Variants in ROBO2 observed in about 807,000 individuals in gnomAD.
The protein encoded by ROBO2 is roundabout guidance receptor 2, also known as roundabout homolog 2.
In ROBO2, 53 loss-of-function variants were observed where a neutral mutation model predicts 160.8. The observed-to-expected ratio is 0.33, with a 90% confidence interval of 0.26 to 0.41. ROBO2 has a LOEUF of 0.41. Ranked by LOEUF, ROBO2 falls within the 10% of genes least tolerant of loss-of-function variation. The probability of loss-of-function intolerance (pLI) is 1.00; values close to 1 mark genes in which losing one functional copy is unlikely to be tolerated. For synonymous variants in ROBO2, 664 were observed against 611.7 expected (o/e 1.09, Z -1.26); for missense variants, 1,577 against 1,722.4 (o/e 0.92, Z 1.49).
At chr3:77,086,178 AG>A (rs34997964) in intron 1 of ROBO2, among the ~76,000 whole-genome samples, 3 of 152,172 alleles carry the variant, frequency 2.0e-5, no homozygotes, top group Non-Finnish European at 4.4e-5. Flanking sequence ...CATTGTTTTT[AG>A]GGGGGTTACA....
chr3:76,928,377 T>C (rs1425947201), intron 2 of ROBO2, among the ~76,000 whole-genome samples: 1 of 152,136 alleles, frequency 6.6e-6, no homozygotes, highest in African/African-American at 2.4e-5. Flanking sequence ...AGCTAGAAGA[T>C]AATGCATATG....
chr3:76,834,467 G>A (rs2067489090), intron 2 of ROBO2, among the ~76,000 whole-genome samples: 1 of 151,884 alleles, frequency 6.6e-6, no homozygotes, highest in African/African-American at 2.4e-5. Context: ...CCTCCTCCTA[G>A]GTTTAAGTAA....
rs2083580858 is a variant in ROBO2 at position 77,207,453 on chromosome 3, G to A, written c.388+109113G>A. ...GAATTATGTATTTAGATGCTTAAATGCCTCTCATTAACTTAAGGTTTTTGC... is the reference window on the plus strand; with the variant it reads ...GAATTATGTATTTAGATGCTTAAATACCTCTCATTAACTTAAGGTTTTTGC... On this transcript the variant is annotated intron_variant, in intron 2 of 25. Transcript: ENST00000461745. 3.9e-5 allele frequency among the ~76,000 whole-genome samples: 6 copies of A among 152,124 alleles called. No individual in the cohort carries two copies. The South Asian group carries it at 1.2e-3, about 32-fold the overall frequency.
intron 2 of ROBO2, among the ~76,000 whole-genome samples, chr3:77,102,720 TG>T (rs2150112258): frequency 6.6e-6 from 1 of 152,256 alleles, no homozygotes; most frequent in South Asian, 2.1e-4. Context: ...GCATTCATTT[TG>T]GTGTTTGTTT....
At chr3:76,628,256 CT>C (rs998508821) in intron 2 of ROBO2, among the ~76,000 whole-genome samples, 6 of 151,290 alleles carry the variant, frequency 4.0e-5, no homozygotes, top group Non-Finnish European at 7.4e-5. Flanking sequence ...TTTTTTCTTT[CT>C]TTTTTTTATT....
intron 2 of ROBO2, among the ~76,000 whole-genome samples, chr3:76,932,443 T>C (rs201879806): frequency 6.3e-4 from 80 of 127,330 alleles, no homozygotes; most frequent in African/African-American, 1.9e-3. Context: ...CACACACACA[T>C]ACACGTGTCA....
rs147472844 is a variant in ROBO2 at position 76,102,209 on chromosome 3, A to T, written c.109+164607A>T. Among the ~76,000 whole-genome samples the T allele has an allele frequency of 5.4e-3, 821 of 152,352 alleles. 11 individuals are homozygous for T. Among genetic ancestry groups the T allele is most frequent in the African/African-American group, 0.019 (794 of 41,588 alleles). On this transcript the variant is annotated intron_variant, in intron 2 of 26. Coordinates refer to the ROBO2 transcript ENST00000487694. Reference sequence around the variant, plus strand: ...GTGGCTAGTTTGAATCTGAAATCACATCAGATTTTGAAGACTTGCGTGGAA... The same window carrying T: ...GTGGCTAGTTTGAATCTGAAATCACTTCAGATTTTGAAGACTTGCGTGGAA...
At chr3:76,729,225 G>A (rs113809139) in intron 2 of ROBO2, among the ~76,000 whole-genome samples, 173 of 104,032 alleles carry the variant, frequency 1.7e-3, no homozygotes, top group African/African-American at 6.2e-3. Context: ...TGTACTACCA[G>A]AGTAACTGTC....
chr3:77,054,968 A>G (rs905781537), intron 1 of ROBO2, among the ~76,000 whole-genome samples: 9 of 148,556 alleles, frequency 6.1e-5, no homozygotes, highest in Non-Finnish European at 1.3e-4. Context: ...AACTTGGTTA[A>G]TGTGTCATTC....
At chr3:76,517,167 G>A (rs1419968774) in intron 2 of ROBO2, among the ~76,000 whole-genome samples, 1 of 152,160 alleles carries the variant, frequency 6.6e-6, no homozygotes, top group Non-Finnish European at 1.5e-5. Context: ...GGGGACATGC[G>A]TGCATGTGAA....
intron 2 of ROBO2, among the ~76,000 whole-genome samples, chr3:76,566,913 A>G (rs923657034): frequency 3.9e-5 from 6 of 152,218 alleles, no homozygotes; most frequent in African/African-American, 1.4e-4. Context: ...GCACACAGAG[A>G]TTCCTCCATG....
At chr3:76,108,299 G>A (rs547328758) in intron 2 of ROBO2, among the ~76,000 whole-genome samples, 3 of 152,062 alleles carry the variant, frequency 2.0e-5, no homozygotes, top group African/African-American at 7.2e-5. Context: ...GATTGGTTTA[G>A]TTGTTATTAT....
intron 2 of ROBO2, among the ~76,000 whole-genome samples, chr3:77,351,513 A>T (rs1275843880): frequency 6.6e-6 from 1 of 152,138 alleles, no homozygotes; most frequent in African/African-American, 2.4e-5. Context: ...ATCGGCAAAA[A>T]TGAAGGAAAA....
At chr3:76,757,916 A>G (rs947087809) in intron 2 of ROBO2, among the ~76,000 whole-genome samples, 1 of 151,740 alleles carries the variant, frequency 6.6e-6, no homozygotes, top group African/African-American at 2.4e-5. Context: ...AAAAGGCACG[A>G]TTTGTGAAAG....
chr3:77,216,009 T>A (rs920896050), intron 2 of ROBO2, among the ~76,000 whole-genome samples: 75 of 152,232 alleles, frequency 4.9e-4, no homozygotes, highest in African/African-American at 1.7e-3. Context: ...TGCCTCCCAG[T>A]TAGGCTACTC....
At chr3:76,283,446 G>C (rs1708350392) in intron 2 of ROBO2, among the ~76,000 whole-genome samples, 1 of 151,710 alleles carries the variant, frequency 6.6e-6, no homozygotes, top group South Asian at 2.1e-4. Flanking sequence ...GGCCCTGGCA[G>C]CCTTTTGATG....
At chr3:76,479,049 A>G (rs1390666761) in intron 2 of ROBO2, among the ~76,000 whole-genome samples, 3 of 152,132 alleles carry the variant, frequency 2.0e-5, no homozygotes, top group Non-Finnish European at 4.4e-5. Flanking sequence ...GCATGGGAAA[A>G]TGGCCTCTGC....
At chr3:76,033,063 A>C (rs549581902) in intron 2 of ROBO2, among the ~76,000 whole-genome samples, 1 of 152,030 alleles carries the variant, frequency 6.6e-6, no homozygotes. Context: ...AGTAAGAATA[A>C]ATAGTACTTC....
chr3:75,916,665 A>G (rs1946820032), intron 1 of ROBO2, among the ~76,000 whole-genome samples: 2 of 152,134 alleles, frequency 1.3e-5, no homozygotes, highest in African/African-American at 2.4e-5. Flanking sequence ...TGATTTTCTT[A>G]AAGCGACTGT....
Sources: allele counts gnomAD v4.1 joint callset (sites outside exome capture counted in the v4.1 genomes callset), GRCh38; gene constraint gnomAD v4.1.1; transcripts MANE v1.5; gene names NCBI Gene and HGNC (gene_info 2026-07-23, HGNC 2026-07-21).